The following PPFIBP2 variants were observed in gnomAD, a reference collection of about 807,000 sequenced individuals.
PPFIBP2 encodes the protein PPFIB scaffold protein 2, also known as liprin-beta-2.
In PPFIBP2, 118 loss-of-function variants were observed where a neutral mutation model predicts 118.3. The observed-to-expected ratio is 1.00, with a 90% confidence interval of 0.86 to 1.16. PPFIBP2 has a LOEUF of 1.16. Among genes scored for constraint, PPFIBP2 ranks in the 50% most tolerant of loss-of-function variants. PPFIBP2 has a pLI of 0.00. For synonymous variants in PPFIBP2, 414 were observed against 397.4 expected (o/e 1.04, Z -0.50); for missense variants, 1,195 against 1,073.1 (o/e 1.11, Z -1.59).
chr11:7,624,050 A>G (rs1344919057), intron 7 of PPFIBP2, among the ~76,000 whole-genome samples: 2 of 152,086 alleles, frequency 1.3e-5, no homozygotes, highest in Admixed American at 1.3e-4. Flanking sequence ...AGGAAACCCT[A>G]CCCCTTGTCA....
chr11:7,545,005 C>G (rs1466253502), intron 1 of PPFIBP2, among the ~76,000 whole-genome samples: 1 of 152,118 alleles, frequency 6.6e-6, no homozygotes, highest in Non-Finnish European at 1.5e-5. Context: ...ACACTGAACG[C>G]ACTGCATGTC....
chr11:7,520,334 T>C (rs1275402003), intron 1 of PPFIBP2, among the ~76,000 whole-genome samples: 3 of 152,110 alleles, frequency 2.0e-5, no homozygotes, highest in Non-Finnish European at 4.4e-5. Context: ...GGTGGGTATT[T>C]TCCGGCTGGC....
chr11:7,659,157 C>G (rs1311714205), downstream of PPFIBP2, among the ~76,000 whole-genome samples: 1 of 149,772 alleles, frequency 6.7e-6, no homozygotes, highest in African/African-American at 2.5e-5. Flanking sequence ...AATTAGATCC[C>G]ATTTGTCAAT....
chr11:7,596,390 T>G (rs1310828652), intron 4 of PPFIBP2, among the ~76,000 whole-genome samples: 1 of 45,764 alleles, frequency 2.2e-5, no homozygotes, highest in Non-Finnish European at 4.3e-5. Context: ...CCCGTTCTTG[T>G]TTTTTTTTTT....
intron 11 of PPFIBP2, chr11:7,632,524 A>C: frequency 5.5e-6 from 1 of 182,442 alleles, no homozygotes; most frequent in Non-Finnish European, 1.2e-5. Flanking sequence ...AAGAGTCTGC[A>C]GTGGCTCGCT....
At chr11:7,633,203 C>T (rs1203092445) in intron 12 of PPFIBP2, among the ~76,000 whole-genome samples, 1 of 152,202 alleles carries the variant, frequency 6.6e-6, no homozygotes, top group Non-Finnish European at 1.5e-5. Context: ...GGCTGCAACT[C>T]ATCTGTGTCT....
chr11:7,591,857 G>T (rs1022322200), intron 3 of PPFIBP2, among the ~76,000 whole-genome samples: 2 of 152,224 alleles, frequency 1.3e-5, no homozygotes, highest in African/African-American at 4.8e-5. Context: ...GACTGGGCAT[G>T]GCTCTGTTGC....
At position 7,653,100 on chromosome 11, in the gene PPFIBP2, C is replaced by T; in HGVS notation, c.2513C>T (p.Pro838Leu). 1 of 1,614,158 alleles carries T rather than the reference C, an allele frequency of 6.2e-7. No homozygotes were observed. Among genetic ancestry groups the T allele is most frequent in the Non-Finnish European group, 8.5e-7 (1 of 1,180,006 alleles). The stretch of plus-strand genomic sequence containing the variant: ...GATGAATCGACGGACTACATTTGCC[C>T]AATGGAGCCCAGTGACGGTGTCAGT... Reference protein sequence around the residue: ...KFDESTDYICPMEPSDGVSDS... With the variant: ...KFDESTDYICLMEPSDGVSDS... The change falls in exon 24 of 24, where the codon CCA becomes CTA. Residue 838 changes from proline (P) to leucine (L), a missense_variant. Transcript: ENST00000299492.
chr11:7,559,561 A>G (rs1854058004), intron 2 of PPFIBP2, among the ~76,000 whole-genome samples: 1 of 152,140 alleles, frequency 6.6e-6, no homozygotes, highest in Non-Finnish European at 1.5e-5. Context: ...TGGTATGCAG[A>G]GGCCTGTAGG....
chr11:7,618,362 A>G (rs1848931474), intron 6 of PPFIBP2, among the ~76,000 whole-genome samples: 1 of 152,232 alleles, frequency 6.6e-6, no homozygotes, highest in Admixed American at 6.5e-5. Context: ...AACAAGTAAC[A>G]TAGAAGGAAG....
At chr11:7,635,885 G>T (rs1286258096) in intron 14 of PPFIBP2, among the ~76,000 whole-genome samples, 2 of 152,080 alleles carry the variant, frequency 1.3e-5, no homozygotes, top group African/African-American at 4.8e-5. Context: ...CTGGGAAGGG[G>T]ATTGCTACGA....
rs1379102073 is a variant in PPFIBP2 at position 7,616,155 on chromosome 11, C to G, written c.619-4780C>G. On this transcript the variant is annotated intron_variant, in intron 6 of 23. Transcript: ENST00000299492. This position sits in a 1 kb window ranked among gnomAD's most constrained non-coding sequence, Gnocchi z 5.2. ...ATACACACACATACACACGCACACA[C>G]AAACACCCACACACAGTTATGTTCT... Among the ~76,000 whole-genome samples the G allele has an allele frequency of 6.6e-6, 1 of 151,850 alleles. No individual in the cohort carries two copies. The highest frequency in any genetic ancestry group is 2.4e-5 in the African/African-American group (1 of 41,150).
chr11:7,639,595 A>C (rs7117472), intron 14 of PPFIBP2, 137 bp from the exon 15 acceptor site: 25,517 of 1,103,946 alleles, frequency 0.023, 1,923 homozygotes, highest in African/African-American at 0.22. Flanking sequence ...CTAGCTAAAT[A>C]ATCTTTGAGG....
At chr11:7,538,949 G>T (rs1457819855) in intron 1 of PPFIBP2, among the ~76,000 whole-genome samples, 1 of 152,150 alleles carries the variant, frequency 6.6e-6, no homozygotes, top group Non-Finnish European at 1.5e-5. Flanking sequence ...AACCTTGTAT[G>T]CGCCAAATAT....
chr11:7,533,743 C>A (rs542056092), intron 1 of PPFIBP2, among the ~76,000 whole-genome samples: 1 of 152,278 alleles, frequency 6.6e-6, no homozygotes, highest in Non-Finnish European at 1.5e-5. Flanking sequence ...AGAGGAAGTA[C>A]AGAAAATGGG....
At position 7,629,548 on chromosome 11, in the gene PPFIBP2, C is replaced by T. The variant is rs763801073; in HGVS notation, c.964+14C>T. ...TGGTCACTCAAGGTAAGAGCAAGGG[C>T]GATCCTACCGTTGTCTCTGAAAGAT... On this transcript the variant is annotated intron_variant, in intron 10 of 23. Transcript: ENST00000299492. 19 of 1,612,018 alleles carry T rather than the reference C, an allele frequency of 1.2e-5. No individual in the cohort carries two copies. The highest frequency in any genetic ancestry group is 5.0e-5 in the Admixed American group (3 of 60,010).
intron 14 of PPFIBP2, among the ~76,000 whole-genome samples, chr11:7,637,969 T>C (rs1357347524): frequency 6.6e-6 from 1 of 152,192 alleles, no homozygotes; most frequent in African/African-American, 2.4e-5. Context: ...GCATGCGTGA[T>C]GATGCAACCA....
chr11:7,621,780 C>A (rs1364295391), intron 7 of PPFIBP2, among the ~76,000 whole-genome samples: 6 of 152,190 alleles, frequency 3.9e-5, no homozygotes, highest in African/African-American at 1.4e-4. Flanking sequence ...CACCTGCCTT[C>A]CCCTACTGTG....
the PPFIBP2 span, chr11:7,665,962 C>A: frequency 4.8e-5 from 73 of 1,520,744 alleles, no homozygotes; most frequent in Middle Eastern, 6.7e-4. Context: ...CAGGTACAGC[C>A]GGGAGCAGTG....
Sources: gnomAD v4.1 joint callset for allele counts (sites outside exome capture counted in the v4.1 genomes callset) on GRCh38, gnomAD v4.1.1 for gene constraint, Gnocchi (gnomAD v3.1) non-coding constraint, MANE v1.5 for transcripts, NCBI Gene and HGNC (gene_info 2026-07-23, HGNC 2026-07-21) for gene names.